Variants in UGGT2 observed in about 807,000 individuals in gnomAD.
UGGT2 encodes the protein UDP-glucose glycoprotein glucosyltransferase 2.
Under a neutral mutation model 192.1 loss-of-function variants are expected in UGGT2, and 180 were observed. The ratio of observed to expected loss-of-function variants is 0.94; its 90% confidence interval spans 0.83 to 1.06. The LOEUF (loss-of-function observed/expected upper bound fraction) is 1.06, where lower values mean the gene tolerates loss of function less well. UGGT2 is among the 50% of genes least tolerant of loss of function. The pLI, the probability that UGGT2 is intolerant of heterozygous loss-of-function variation, is 0.00. For synonymous variants in UGGT2, 580 were observed against 591.0 expected (o/e 0.98, Z 0.27); for missense variants, 1,849 against 1,795.7 (o/e 1.03, Z -0.54).
At chr13:95,976,250 G>A (rs1474233808) in intron 10 of UGGT2, among the ~76,000 whole-genome samples, 3 of 151,978 alleles carry the variant, frequency 2.0e-5, no homozygotes, top group Non-Finnish European at 4.4e-5. Context: ...AAGATGACAG[G>A]ATTTCTTTTT....
At position 95,837,016 on chromosome 13, in the gene UGGT2, C is replaced by T. The variant is rs1327613493; in HGVS notation, c.4401+70G>A. ...TACGTATGCCACTCCCTTTGTAAAA[C>T]AGAAAGAAAATATTTCTATTTAAAC... On this transcript the variant is annotated intron_variant, in intron 37 of 38. Coordinates refer to ENST00000376747, the MANE Select transcript of UGGT2 (RefSeq NM_020121.4). 5 of 1,223,582 alleles carry T rather than the reference C, an allele frequency of 4.1e-6. No homozygotes were observed. In the Admixed American group the frequency reaches 8.7e-5, roughly 21 times the overall value. 75.8% of individuals were successfully genotyped at this position (1,223,582 alleles called of 1,614,324 possible).
At chr13:95,895,534 T>C (rs1261419484) in intron 22 of UGGT2, among the ~76,000 whole-genome samples, 1 of 151,938 alleles carries the variant, frequency 6.6e-6, no homozygotes, top group African/African-American at 2.4e-5. Context: ...AAAGTGACAA[T>C]ATAAAAAATT....
intron 20 of UGGT2, among the ~76,000 whole-genome samples, chr13:95,904,138 T>C (rs2140299636): frequency 6.6e-6 from 1 of 152,182 alleles, no homozygotes; most frequent in South Asian, 2.1e-4. Context: ...ATTCTATGGC[T>C]TGTTTTGTAG....
chr13:95,890,644 G>A (rs1378476061), intron 25 of UGGT2, among the ~76,000 whole-genome samples: 3 of 152,096 alleles, frequency 2.0e-5, no homozygotes, highest in Non-Finnish European at 4.4e-5. Context: ...TGAATTTTGT[G>A]GGGAATACAA....
At chr13:95,857,342 T>C (rs975574576) in intron 33 of UGGT2, among the ~76,000 whole-genome samples, 1 of 152,150 alleles carries the variant, frequency 6.6e-6, no homozygotes, top group African/African-American at 2.4e-5. Flanking sequence ...TAAGGGTACA[T>C]TAGTGAACAA....
chr13:95,967,529 A>T (rs1185446842), intron 12 of UGGT2, among the ~76,000 whole-genome samples: 1 of 141,374 alleles, frequency 7.1e-6, no homozygotes, highest in East Asian at 2.1e-4. Context: ...GCTGGAGTGC[A>T]GTAGGGCGAT....
intron 17 of UGGT2, among the ~76,000 whole-genome samples, chr13:95,928,855 G>C (rs2049140115): frequency 6.6e-6 from 1 of 152,164 alleles, no homozygotes; most frequent in South Asian, 2.1e-4. Context: ...GCTGGGAGGT[G>C]GAGGTTGTAG....
At chr13:95,910,419 A>G (rs2048452813) in intron 20 of UGGT2, among the ~76,000 whole-genome samples, 1 of 152,194 alleles carries the variant, frequency 6.6e-6, no homozygotes, top group Non-Finnish European at 1.5e-5. Flanking sequence ...TGGAAAGAAA[A>G]AAGAGCAGGG....
intron 17 of UGGT2, among the ~76,000 whole-genome samples, chr13:95,928,229 G>A (rs1309041712): frequency 3.4e-5 from 5 of 147,502 alleles, no homozygotes; most frequent in South Asian, 2.2e-4. Flanking sequence ...CCCACCTCCC[G>A]GACGGGGCAG....
intron 16 of UGGT2, among the ~76,000 whole-genome samples, chr13:95,938,965 G>A (rs1299582523): frequency 7.7e-6 from 1 of 129,732 alleles, no homozygotes; most frequent in Admixed American, 7.4e-5. Context: ...AATGGAGAAT[G>A]CTCTTTAGAA....
In UGGT2 at chr13:95,895,297, C is replaced by G; in HGVS notation, c.2642G>C (p.Gly881Ala). ...MGIVSNGRFL[G>A]PLDEDFYAED... ...TGCATAAAAATCTTCATCTAAAGGT[C>G]CTAAGAACTTAAAATAAAAACAGTT... The change falls in exon 23 of 39, where the codon GGA becomes GCA. Residue 881 changes from glycine to alanine, a missense_variant. Physicochemically the swap from Gly to Ala is moderately conservative, Grantham distance 60 (BLOSUM62 0). Transcript: ENST00000376747. The G allele has an allele frequency of 6.9e-7, 1 of 1,443,736 alleles. No individual in the cohort carries two copies. Among genetic ancestry groups the G allele is most frequent in the African/African-American group, 1.4e-5 (1 of 69,242 alleles). 89.4% of individuals were successfully genotyped at this position (1,443,736 alleles called of 1,614,324 possible).
In UGGT2 at chr13:96,026,695, C is replaced by T. The variant is rs1183555808; in HGVS notation, c.242-2936G>A. On this transcript the variant is annotated intron_variant, in intron 2 of 38. Transcript: ENST00000376747. ...TTTTTTTTTTTTTGAGACGGAGTCTCGCTCTGTCGCCCAGGTCGGACTGCG... is the reference window on the plus strand; with the variant it reads ...TTTTTTTTTTTTTGAGACGGAGTCTTGCTCTGTCGCCCAGGTCGGACTGCG... Among the ~76,000 whole-genome samples the T allele has an allele frequency of 7.6e-5, 10 of 132,282 alleles. No homozygotes were observed. In the East Asian group the frequency reaches 1.6e-3, roughly 21 times the overall value. 86.8% of individuals were successfully genotyped at this position (132,282 alleles called of 152,430 possible).
chr13:95,965,094 G>C (rs1425748253), intron 12 of UGGT2, among the ~76,000 whole-genome samples: 1 of 150,468 alleles, frequency 6.6e-6, no homozygotes, highest in Non-Finnish European at 1.5e-5. Context: ...GGAAACAACA[G>C]GTGCTGGAGA....
chr13:96,030,248 TA>T (rs1366722783), intron 2 of UGGT2, among the ~76,000 whole-genome samples: 1 of 152,210 alleles, frequency 6.6e-6, no homozygotes, highest in Non-Finnish European at 1.5e-5. Flanking sequence ...GTGCCTCTTT[TA>T]TGTGTTTTCA....
intron 2 of UGGT2, 92 bp downstream of exon 2, chr13:96,031,797 C>T (rs3825423): frequency 0.033 from 30,318 of 909,072 alleles, 1,197 homozygotes; most frequent in East Asian, 0.15. Context: ...GTGAAGCATT[C>T]ACACTTAACC....
At chr13:95,854,942 ATTT>A (rs895647617) in intron 34 of UGGT2, among the ~76,000 whole-genome samples, 1 of 151,872 alleles carries the variant, frequency 6.6e-6, no homozygotes, top group African/African-American at 2.4e-5. Context: ...TATAAATGTT[ATTT>A]TTTAATATGC....
intron 11 of UGGT2, among the ~76,000 whole-genome samples, chr13:95,972,176 A>G (rs1359069325): frequency 6.6e-6 from 1 of 151,174 alleles, no homozygotes; most frequent in Non-Finnish European, 1.5e-5. Flanking sequence ...GATAGCATCC[A>G]GCATTCAAAT....
At chr13:95,838,205 A>G (rs1017577196) in intron 36 of UGGT2, among the ~76,000 whole-genome samples, 4 of 152,342 alleles carry the variant, frequency 2.6e-5, no homozygotes, top group Admixed American at 2.0e-4. Context: ...CACCATTTAC[A>G]TTAGCACCGA....
At chr13:95,838,623 G>A (rs1487563766) in intron 36 of UGGT2, among the ~76,000 whole-genome samples, 1 of 151,938 alleles carries the variant, frequency 6.6e-6, no homozygotes, top group African/African-American at 2.4e-5. Context: ...ACAATAAAGA[G>A]CCCAGAAATA....
Sources: allele counts gnomAD v4.1 joint callset (sites outside exome capture counted in the v4.1 genomes callset), GRCh38; gene constraint gnomAD v4.1.1; transcripts MANE v1.5; gene names NCBI Gene and HGNC (gene_info 2026-07-23, HGNC 2026-07-21).